TLR4: variants seen among roughly 807,000 people sequenced by gnomAD.
TLR4 encodes toll-like receptor 4.
In TLR4, 17 loss-of-function variants were observed where a neutral mutation model predicts 27.4. The observed-to-expected ratio is 0.62, with a 90% CI of 0.42 to 0.93. The LOEUF (loss-of-function observed/expected upper bound fraction) is 0.93. Among genes scored for constraint, TLR4 ranks in the 40% least tolerant of loss-of-function variants. TLR4 has a pLI of 0.00. For missense variants in TLR4, 926 were observed against 962.3 expected (o/e 0.96, Z 0.50); for synonymous variants, 363 against 365.7 (o/e 0.99, Z 0.08).
intron 2 of TLR4, 26 bp downstream of exon 2, chr9:117,708,755 C>T: frequency 6.2e-7 from 1 of 1,613,224 alleles, no homozygotes; most frequent in African/African-American, 1.3e-5. Context: ...TTACATACTG[C>T]ACAAGGTGAG....
At position 117,713,747 on chromosome 9, in the gene TLR4, A is replaced by T. The variant is rs545104922; in HGVS notation, c.1619A>T (p.Tyr540Phe). 1 of 1,614,016 alleles carries T rather than the reference A, an allele frequency of 6.2e-7. No homozygotes were observed. Among genetic ancestry groups the T allele is most frequent in the Non-Finnish European group, 8.5e-7 (1 of 1,180,010 alleles). The change falls in exon 3 of 3, where the codon TAT (tyrosine) becomes TTT (phenylalanine). Residue 540 changes from tyrosine to phenylalanine, a missense_variant. Coordinates refer to ENST00000355622, the MANE Select transcript of TLR4 (RefSeq NM_138554.5). ...NNFFSLDTFP[Y>F]KCLNSLQVLD... ...TTCTTTTCATTGGATACGTTTCCTT[A>T]TAAGTGTCTGAACTCCCTCCAGGTT...
At chr9:117,705,438 C>T (rs1829120600) in intron 1 of TLR4, among the ~76,000 whole-genome samples, 1 of 152,132 alleles carries the variant, frequency 6.6e-6, no homozygotes, top group Admixed American at 6.5e-5. Flanking sequence ...TTGAAGCCAT[C>T]CCTTCCCTCA....
rs1259594004 is a variant in TLR4 at position 117,712,807 on chromosome 9, AG to A, written c.681del (p.Arg227SerfsTer5). 1 of 1,614,088 alleles carries A rather than the reference AG, an allele frequency of 6.2e-7. No individual in the cohort carries two copies. The highest frequency in any genetic ancestry group is 8.5e-7 in the Non-Finnish European group (1 of 1,180,018). ...FIQPGAFKEI[R>X]LHKLTLRNNF... The stretch of plus-strand genomic sequence containing the variant: ...CCAACCAGGTGCATTTAAAGAAATT[AG>A]GCTTCATAAGCTGACTTTAAGAAAT... On this transcript the variant is annotated frameshift_variant, in exon 3 of 3. Transcript: ENST00000355622. LOFTEE classifies it low-confidence loss of function (END_TRUNC).
intron 2 of TLR4, among the ~76,000 whole-genome samples, chr9:117,709,962 A>G (rs775589083): frequency 7.3e-4 from 111 of 152,176 alleles, no homozygotes; most frequent in Non-Finnish European, 1.4e-3. Context: ...GATGAAACTT[A>G]TTCTGCTGGA....
At chr9:117,705,214 G>A (rs1350791500) in intron 1 of TLR4, among the ~76,000 whole-genome samples, 2 of 152,150 alleles carry the variant, frequency 1.3e-5, no homozygotes, top group Non-Finnish European at 2.9e-5. Context: ...CCAATCAGCT[G>A]GTTGGTAATC....
chr9:117,709,751 CCTATTATA>C (rs1388233666), intron 2 of TLR4, among the ~76,000 whole-genome samples: 1 of 151,990 alleles, frequency 6.6e-6, no homozygotes, highest in Non-Finnish European at 1.5e-5. Context: ...GAGCATACGA[CCTATTATA>C]CTCTAATTTG....
chr9:117,712,910 G>A lies in TLR4; in HGVS notation c.782G>A (p.Gly261Glu), dbSNP rs1829261490. 3 of 1,614,066 alleles carry A rather than the reference G, an allele frequency of 1.9e-6. No homozygotes were observed. Among genetic ancestry groups the A allele is most frequent in the Non-Finnish European group, 2.5e-6 (3 of 1,179,996 alleles). ...TTAGAAGTCCATCGTTTGGTTCTGG[G>A]AGAATTTAGAAATGAAGGAAACTTG... The part of the protein sequence containing the change: ...AGLEVHRLVL[G>E]EFRNEGNLEK... Residue 261 changes from glycine to glutamate, a missense_variant, in exon 3 of 3, where the codon GGA becomes GAA. Gly to Glu is a moderately conservative substitution (Grantham distance 98, BLOSUM62 -2). Coordinates refer to ENST00000355622, the MANE Select transcript of TLR4 (RefSeq NM_138554.5).
At chr9:117,707,187 G>C (rs1051491460) in intron 1 of TLR4, among the ~76,000 whole-genome samples, 13 of 152,120 alleles carry the variant, frequency 8.5e-5, no homozygotes, top group African/African-American at 2.9e-4. Flanking sequence ...AGAGTGCCTG[G>C]CACTGTTTCT....
chr9:117,705,428 T>G (rs1374029264), intron 1 of TLR4, among the ~76,000 whole-genome samples: 1 of 152,226 alleles, frequency 6.6e-6, no homozygotes, highest in African/African-American at 2.4e-5. Context: ...ATTCATTATC[T>G]TGAAGCCATC....
chr9:117,712,271 G>A, intron 2 of TLR4, 118 bp from the exon 3 acceptor site: 1 of 1,027,718 alleles, frequency 9.7e-7, no homozygotes, highest in Non-Finnish European at 1.5e-6. Context: ...CTTTGCCTAT[G>A]CACAATCATA....
intron 1 of TLR4, among the ~76,000 whole-genome samples, chr9:117,706,346 T>G (rs1829135148): frequency 6.6e-6 from 1 of 151,790 alleles, no homozygotes; most frequent in South Asian, 2.1e-4. Context: ...CTGCTTAATA[T>G]TTTTTTTTCT....
Position 117,714,825 on chromosome 9 carries a change from A to C in TLR4, c.*177A>C. Reference sequence around the variant, plus strand: ...AAGGAGCTTCCAGTGCAGAGGGAATAAATGCTAGACTAAAATACAGAGTCT... The same window carrying C: ...AAGGAGCTTCCAGTGCAGAGGGAATCAATGCTAGACTAAAATACAGAGTCT... On this transcript the variant is annotated 3_prime_UTR_variant, in exon 3 of 3. Transcript: ENST00000355622. 1.5e-6 allele frequency: 1 copy of C among 657,524 alleles called. No homozygotes were observed. Among genetic ancestry groups the C allele is most frequent in the Admixed American group, 2.4e-5 (1 of 42,248 alleles). The allele number at this position is 657,524 out of a possible 1,614,324, so 40.7% of individuals were successfully genotyped here.
In TLR4 at chr9:117,716,084, T is replaced by A. The variant is rs201410189; in HGVS notation, c.*1436T>A. The A allele has an allele frequency of 7.2e-5, 11 of 152,204 alleles. No homozygotes were observed. Among genetic ancestry groups the A allele is most frequent in the African/African-American group, 2.6e-4 (11 of 41,524 alleles). The allele number at this position is 152,204 out of a possible 1,614,324, so 9.4% of individuals were successfully genotyped here. A position where few individuals can be genotyped will look rare whatever the true frequency, so the allele number is the denominator to read the frequency against. On this transcript the variant is annotated 3_prime_UTR_variant, in exon 3 of 3. Transcript: ENST00000355622. The stretch of plus-strand genomic sequence containing the variant: ...AAGTGTCATCAAGGATATAGAGAAA[T>A]TGGAACCCTTCTTCACTGCTGGAGG...
At chr9:117,706,784 T>C (rs1829143578) in intron 1 of TLR4, among the ~76,000 whole-genome samples, 2 of 152,206 alleles carry the variant, frequency 1.3e-5, no homozygotes, top group African/African-American at 4.8e-5. Flanking sequence ...CCACAGGGCA[T>C]ATTTTCTAAG....
In TLR4 at chr9:117,706,461, T is replaced by A. The variant is rs1829138016; in HGVS notation, c.93+1896T>A. 2.0e-5 allele frequency among the ~76,000 whole-genome samples: 3 copies of A among 152,160 alleles called. No homozygotes were observed. In the South Asian group the frequency reaches 6.2e-4, roughly 32 times the overall value. On this transcript the variant is annotated intron_variant, in intron 1 of 2. Coordinates refer to ENST00000355622, the MANE Select transcript of TLR4 (RefSeq NM_138554.5). ...TTGCTGGTTTTATTTACCACTATAT[T>A]TCCAGTGGCCAGCACACAGTAGCCG... is the stretch of plus-strand genomic sequence containing the variant.
Position 117,713,811 on chromosome 9 carries a change from A to G in TLR4, c.1683A>G (p.Lys561=). The change falls in exon 3 of 3, where the codon AAA becomes AAG. Residue 561 remains lysine, a synonymous_variant. Coordinates refer to ENST00000355622, the MANE Select transcript of TLR4 (RefSeq NM_138554.5). ...TCAATCACATAATGACTTCCAAAAAACAGGAACTACAGCATTTTCCAAGTA... is the reference window on the plus strand; with the variant it reads ...TCAATCACATAATGACTTCCAAAAAGCAGGAACTACAGCATTTTCCAAGTA... ...YSLNHIMTSK[K]QELQHFPSSL... 2.5e-6 allele frequency: 4 copies of G among 1,613,990 alleles called. No individual in the cohort carries two copies. The highest frequency in any genetic ancestry group is 3.4e-6 in the Non-Finnish European group (4 of 1,180,000).
chr9:117,712,113 C>T (rs1373681204), intron 2 of TLR4, among the ~76,000 whole-genome samples: 1 of 152,202 alleles, frequency 6.6e-6, no homozygotes, highest in East Asian at 1.9e-4. Context: ...TGATCTTTAA[C>T]TGATTTCCTT....
chr9:117,705,682 C>T (rs1015039016), intron 1 of TLR4, among the ~76,000 whole-genome samples: 1 of 152,216 alleles, frequency 6.6e-6, no homozygotes, highest in Non-Finnish European at 1.5e-5. Context: ...CTCTTACACA[C>T]TAACTGCTTT....
Position 117,713,407 on chromosome 9 carries a change from C to T in TLR4, c.1279C>T (p.Leu427=), listed in dbSNP as rs1489158403. The T allele has an allele frequency of 2.5e-6, 4 of 1,614,064 alleles. No homozygotes were observed. The highest frequency in any genetic ancestry group is 1.3e-5 in the African/African-American group (1 of 75,046). ...NFLGLEQLEH[L]DFQHSNLKQM... ...CTTGGGCTTAGAACAACTAGAACAT[C>T]TGGATTTCCAGCATTCCAATTTGAA... The change falls in exon 3 of 3, where the codon CTG becomes TTG. Residue 427 remains leucine, a synonymous_variant. Coordinates refer to ENST00000355622, the MANE Select transcript of TLR4 (RefSeq NM_138554.5).
Sources: gnomAD v4.1 joint callset for allele counts (sites outside exome capture counted in the v4.1 genomes callset) on GRCh38, gnomAD v4.1.1 for gene constraint, MANE v1.5 for transcripts, NCBI Gene and HGNC (gene_info 2026-07-23, HGNC 2026-07-21) for gene names.